Variants in HDAC9 observed in about 807,000 individuals in gnomAD.
The protein encoded by HDAC9 is histone deacetylase 9, also known as MEF-2 interacting transcription repressor (MITR) protein.
Under a neutral mutation model 139.4 loss-of-function variants are expected in HDAC9, and 41 were observed. The ratio of observed to expected loss-of-function variants is 0.29; its 90% CI spans 0.23 to 0.38. HDAC9 has a LOEUF of 0.38. Among genes scored for constraint, HDAC9 ranks in the 10% least tolerant of loss-of-function variants. HDAC9 has a pLI of 1.00. For synonymous variants in HDAC9, 517 were observed against 476.2 expected (o/e 1.09, Z -1.12); for missense variants, 1,147 against 1,297.0 (o/e 0.88, Z 1.78).
intron 6 of HDAC9, among the ~76,000 whole-genome samples, chr7:18,604,102 T>G (rs1834738893): frequency 6.6e-6 from 1 of 152,178 alleles, no homozygotes; most frequent in South Asian, 2.1e-4. Flanking sequence ...ACTGAGTTTT[T>G]GGTATTTATA....
chr7:18,877,199 G>A (rs1554389342), intron 22 of HDAC9, among the ~76,000 whole-genome samples: 1 of 152,052 alleles, frequency 6.6e-6, no homozygotes, highest in Non-Finnish European at 1.5e-5. Flanking sequence ...TAGAGATGCT[G>A]CCCCAACAAG....
At chr7:18,798,914 T>A (rs1793043298) in intron 17 of HDAC9, among the ~76,000 whole-genome samples, 2 of 152,086 alleles carry the variant, frequency 1.3e-5, no homozygotes, top group South Asian at 4.1e-4. Context: ...GTGTTCCTAC[T>A]CAGGAAAGAC....
intron 2 of HDAC9, among the ~76,000 whole-genome samples, chr7:18,209,744 A>G (rs1324002237): frequency 1.3e-5 from 2 of 151,670 alleles, no homozygotes; most frequent in Non-Finnish European, 2.9e-5. Context: ...TCTGTTGCCC[A>G]GGCTGGAGTG....
At chr7:18,899,474 G>C (rs1307218359) in intron 22 of HDAC9, 2 of 151,950 alleles carry the variant, frequency 1.3e-5, no homozygotes, top group Non-Finnish European at 2.9e-5. Flanking sequence ...GAAGACTGTC[G>C]ATTGCCAATA....
At chr7:18,551,901 T>G (rs536250887) in intron 2 of HDAC9, among the ~76,000 whole-genome samples, 1 of 152,326 alleles carries the variant, frequency 6.6e-6, no homozygotes, top group Non-Finnish European at 1.5e-5. Flanking sequence ...TGGATTGAAA[T>G]GTATTTTATG....
chr7:18,593,610 C>A (rs1831608361), intron 5 of HDAC9, among the ~76,000 whole-genome samples: 1 of 152,096 alleles, frequency 6.6e-6, no homozygotes, highest in East Asian at 1.9e-4. Context: ...CTTAAGAGAA[C>A]ATAGGCAGTA....
chr7:18,668,333 T>G lies in HDAC9; in HGVS notation c.1731+1857T>G, dbSNP rs984955887. 19 of 948,816 alleles carry G rather than the reference T, an allele frequency of 2.0e-5. No individual in the cohort carries two copies. The Admixed American group carries it at 9.9e-4, about 49-fold the overall frequency. 58.8% of individuals were successfully genotyped at this position (948,816 alleles called of 1,614,324 possible). On this transcript the variant is annotated intron_variant, in intron 12 of 25. Coordinates refer to ENST00000686413, the MANE Select transcript of HDAC9 (RefSeq NM_178425.4). ...TATTAAAATGACTTTTTGTCAGTTG[T>G]TTTGCATTAAAAATATGGCATGCCT...
intron 1 of HDAC9, among the ~76,000 whole-genome samples, chr7:18,131,694 ACT>A (rs1427459251): frequency 6.6e-6 from 1 of 152,042 alleles, no homozygotes; most frequent in Non-Finnish European, 1.5e-5. Flanking sequence ...AAGGACAGAA[ACT>A]CTGATGTTAC....
At chr7:18,589,120 T>C (rs1011707543) in intron 3 of HDAC9, among the ~76,000 whole-genome samples, 2 of 152,128 alleles carry the variant, frequency 1.3e-5, no homozygotes, top group Non-Finnish European at 2.9e-5. Flanking sequence ...TGTCAGAACC[T>C]AAGGAGAACT....
At chr7:18,589,000 T>C (rs1489265928) in intron 3 of HDAC9, among the ~76,000 whole-genome samples, 1 of 152,158 alleles carries the variant, frequency 6.6e-6, no homozygotes. Context: ...AAAAACTAAA[T>C]TTTATGTACG....
intron 6 of HDAC9, among the ~76,000 whole-genome samples, chr7:18,628,349 T>C (rs998655742): frequency 3.3e-5 from 5 of 152,154 alleles, no homozygotes; most frequent in African/African-American, 9.7e-5. Context: ...AAATTATAAA[T>C]AGGCATAGGC....
At chr7:18,185,211 A>G (rs556291321) in intron 2 of HDAC9, among the ~76,000 whole-genome samples, 102 of 152,344 alleles carry the variant, frequency 6.7e-4, no homozygotes, top group Admixed American at 1.3e-3. Context: ...GACATCAGGA[A>G]AGCCACTGAT....
chr7:18,916,465 G>A (rs6969976), intron 22 of HDAC9, among the ~76,000 whole-genome samples: 128,979 of 152,020 alleles, frequency 0.85, 55,030 homozygotes, highest in Admixed American at 0.92. Context: ...GATGAATTCT[G>A]TTATGTGGCT....
intron 19 of HDAC9, 122 bp downstream of exon 19, chr7:18,829,670 T>A: frequency 1.6e-6 from 1 of 628,266 alleles, no homozygotes; most frequent in Non-Finnish European, 2.8e-6. Flanking sequence ...TGTGTTTTCC[T>A]TTGAATGTGG....
At chr7:18,232,781 G>A (rs755518566) in intron 2 of HDAC9, among the ~76,000 whole-genome samples, 1 of 152,200 alleles carries the variant, frequency 6.6e-6, no homozygotes, top group Non-Finnish European at 1.5e-5. Flanking sequence ...GCCAGGTTGA[G>A]TTACTGTCAG....
chr7:18,392,395 AGATG>A (rs1160691024), intron 1 of HDAC9, among the ~76,000 whole-genome samples: 1 of 121,386 alleles, frequency 8.2e-6, no homozygotes, highest in African/African-American at 3.3e-5. Flanking sequence ...ATGGATAGAT[AGATG>A]GATAGATAGA....
chr7:18,243,589 C>G (rs1310176729), intron 2 of HDAC9, among the ~76,000 whole-genome samples: 1 of 152,196 alleles, frequency 6.6e-6, no homozygotes, highest in Non-Finnish European at 1.5e-5. Flanking sequence ...AAGTGTTTCC[C>G]TTAAATAATA....
At chr7:18,916,759 A>G (rs1016099796) in intron 22 of HDAC9, among the ~76,000 whole-genome samples, 1 of 152,020 alleles carries the variant, frequency 6.6e-6, no homozygotes, top group Non-Finnish European at 1.5e-5. Context: ...ACAACCAAAA[A>G]GTGTACATAC....
chr7:18,912,320 T>A (rs866405967), intron 22 of HDAC9, among the ~76,000 whole-genome samples: 52 of 152,070 alleles, frequency 3.4e-4, no homozygotes, highest in African/African-American at 1.2e-3. Flanking sequence ...TAAAAACCTT[T>A]ACCCCTAAGT....
Sources: allele counts gnomAD v4.1 joint callset (sites outside exome capture counted in the v4.1 genomes callset), GRCh38; gene constraint gnomAD v4.1.1; transcripts MANE v1.5; gene names NCBI Gene and HGNC (gene_info 2026-07-23, HGNC 2026-07-21).